SLC2A9: variants seen among roughly 807,000 people sequenced by gnomAD.
SLC2A9 encodes the protein solute carrier family 2, facilitated glucose transporter member 9.
SLC2A9 carries 39 observed loss-of-function variants against 50.6 expected under a neutral mutation model. The observed-to-expected ratio is 0.77, with a 90% CI of 0.60 to 1.01. SLC2A9 has a LOEUF of 1.01. Among genes scored for constraint, SLC2A9 ranks in the 50% least tolerant of loss-of-function variants. The probability of loss-of-function intolerance (pLI) is 0.00; values close to 1 mark genes in which losing one functional copy is unlikely to be tolerated. For synonymous variants in SLC2A9, 324 were observed against 276.9 expected (o/e 1.17, Z -1.69); for missense variants, 686 against 677.6 (o/e 1.01, Z -0.14).
rs144371195 is a variant in SLC2A9 at position 9,904,509 on chromosome 4, C to T, written c.1113+3726G>A. On this transcript the variant is annotated intron_variant, in intron 8 of 11. Transcript: ENST00000264784. ...TCACCTGGGTAATCCAGGGTTAGCTCCCTATCTCAAGATTAGTCCCACCTG... is the reference window on the plus strand; with the variant it reads ...TCACCTGGGTAATCCAGGGTTAGCTTCCTATCTCAAGATTAGTCCCACCTG... Among the ~76,000 whole-genome samples, 3 of 152,292 alleles carry T rather than the reference C, an allele frequency of 2.0e-5. No individual in the cohort carries two copies. In the East Asian group the frequency reaches 5.8e-4, roughly 29 times the overall value.
chr4:9,844,839 C>T (rs1728690002), intron 10 of SLC2A9, among the ~76,000 whole-genome samples: 1 of 152,144 alleles, frequency 6.6e-6, no homozygotes, highest in Non-Finnish European at 1.5e-5. Flanking sequence ...ACAATAGTTC[C>T]TACTTAGTTT....
intron 1 of SLC2A9, among the ~76,000 whole-genome samples, chr4:10,033,634 C>A (rs942864301): frequency 1.3e-5 from 2 of 152,214 alleles, no homozygotes; most frequent in African/African-American, 4.8e-5. Flanking sequence ...AAGGGGCAGA[C>A]TTCCGTGTTA....
At chr4:9,995,632 G>A (rs1758512046) in intron 3 of SLC2A9, 1 of 152,192 alleles carries the variant, frequency 6.6e-6, no homozygotes, top group Non-Finnish European at 1.5e-5. Flanking sequence ...TTACTAGGTA[G>A]TGATGTCAAG....
intron 11 of SLC2A9, among the ~76,000 whole-genome samples, chr4:9,829,810 G>A (rs1276413046): frequency 2.6e-5 from 4 of 152,158 alleles, no homozygotes; most frequent in African/African-American, 9.7e-5. Flanking sequence ...AAACCACAAT[G>A]AGATACCATC....
chr4:9,885,571 C>T (rs1378964111), intron 10 of SLC2A9, among the ~76,000 whole-genome samples: 3 of 152,246 alleles, frequency 2.0e-5, no homozygotes, highest in Admixed American at 6.5e-5. Flanking sequence ...CAAAAGCACA[C>T]ATCTTCCCTG....
chr4:9,944,408 C>T (rs889769521), intron 5 of SLC2A9, among the ~76,000 whole-genome samples: 2 of 152,196 alleles, frequency 1.3e-5, no homozygotes, highest in Non-Finnish European at 2.9e-5. Context: ...TGACTTATTC[C>T]TGAAAGGCTG....
At chr4:9,904,536 A>G (rs1345985100) in intron 8 of SLC2A9, among the ~76,000 whole-genome samples, 1 of 152,194 alleles carries the variant, frequency 6.6e-6, no homozygotes, top group African/African-American at 2.4e-5. Flanking sequence ...TCCCACCTGC[A>G]ACATTCCTTT....
At chr4:9,969,656 G>A (rs1753583092) in intron 5 of SLC2A9, among the ~76,000 whole-genome samples, 1 of 152,176 alleles carries the variant, frequency 6.6e-6, no homozygotes, top group African/African-American at 2.4e-5. Flanking sequence ...GTTCCCCATG[G>A]CTGGGGAGGC....
At chr4:9,777,635 T>A (rs1483309431), downstream of SLC2A9, among the ~76,000 whole-genome samples, 2 of 152,218 alleles carry the variant, frequency 1.3e-5, no homozygotes, top group African/African-American at 2.4e-5. Flanking sequence ...CAGAATCCCC[T>A]TTTTGCTCAT....
At chr4:9,771,448 A>G (rs1716802485) in intron 1 of SLC2A9, 3 of 398,762 alleles carry the variant, frequency 7.5e-6, no homozygotes, top group South Asian at 1.3e-4. Flanking sequence ...CTCTGCTCAC[A>G]TTCCTGTTTT....
intron 5 of SLC2A9, among the ~76,000 whole-genome samples, chr4:9,965,018 C>T (rs1752844468): frequency 6.6e-6 from 1 of 152,244 alleles, no homozygotes; most frequent in African/African-American, 2.4e-5. Flanking sequence ...TGCCACATGA[C>T]ATAAATGACG....
At chr4:9,864,237 T>A (rs949037590) in intron 10 of SLC2A9, among the ~76,000 whole-genome samples, 1 of 152,106 alleles carries the variant, frequency 6.6e-6, no homozygotes. Context: ...AAACAACCCC[T>A]GGCACATCCA....
chr4:10,025,259 C>T (rs952039570), upstream of SLC2A9, among the ~76,000 whole-genome samples: 2 of 152,234 alleles, frequency 1.3e-5, no homozygotes, highest in African/African-American at 2.4e-5. Flanking sequence ...CAAACCTGTA[C>T]TAGCCACATA....
At chr4:9,958,274 T>G (rs749477199) in intron 5 of SLC2A9, among the ~76,000 whole-genome samples, 5 of 152,192 alleles carry the variant, frequency 3.3e-5, no homozygotes, top group African/African-American at 7.2e-5. Context: ...AAGAAAGTAC[T>G]GCAGGAAATG....
Position 9,868,764 on chromosome 4 carries a change from C to T in SLC2A9, c.1291+18803G>A, listed in dbSNP as rs141470112. Among the ~76,000 whole-genome samples the T allele has an allele frequency of 9.2e-5, 14 of 152,234 alleles. No individual in the cohort carries two copies. The South Asian group carries it at 1.5e-3, about 16-fold the overall frequency. The stretch of plus-strand genomic sequence containing the variant: ...ACTTCTCCCCTCAGCAATTTTGTGA[C>T]GAATGCTGAAGATTTTGGAACATAA... On this transcript the variant is annotated intron_variant, in intron 10 of 11. Coordinates refer to ENST00000264784, the MANE Select transcript of SLC2A9 (RefSeq NM_020041.3).
At chr4:9,808,684 G>A (rs1254336771) in intron 3 of SLC2A9, among the ~76,000 whole-genome samples, 1 of 152,176 alleles carries the variant, frequency 6.6e-6, no homozygotes, top group African/African-American at 2.4e-5. Flanking sequence ...CCCACATGCA[G>A]GATGATGCCT....
intron 3 of SLC2A9, among the ~76,000 whole-genome samples, chr4:9,811,122 C>A (rs1355138122): frequency 6.7e-6 from 1 of 149,264 alleles, no homozygotes; most frequent in Non-Finnish European, 1.5e-5. Context: ...AGGAACTAAC[C>A]CTCCTGGGAT....
chr4:9,902,495 C>T (rs1268684763), intron 8 of SLC2A9, among the ~76,000 whole-genome samples: 3 of 152,174 alleles, frequency 2.0e-5, no homozygotes, highest in Non-Finnish European at 4.4e-5. Context: ...CCAGGGCTGC[C>T]GTGATAAGGT....
intron 1 of SLC2A9, chr4:10,029,368 C>T (rs1763857501): frequency 6.6e-6 from 1 of 152,156 alleles, no homozygotes; most frequent in Non-Finnish European, 1.5e-5. Context: ...CAGTGCCTCC[C>T]AGACTCTAGC....
Sources: allele counts gnomAD v4.1 joint callset (sites outside exome capture counted in the v4.1 genomes callset), GRCh38; gene constraint gnomAD v4.1.1; transcripts MANE v1.5; gene names NCBI Gene and HGNC (gene_info 2026-07-23, HGNC 2026-07-21).